Variants in FAT1 observed in about 807,000 individuals in gnomAD.
FAT1 encodes the protein protocadherin Fat 1.
Under a neutral mutation model 329.8 loss-of-function variants are expected in FAT1, and 171 were observed. The observed-to-expected ratio is 0.52, with a 90% CI of 0.46 to 0.59. FAT1 has a LOEUF of 0.59. Ranked by LOEUF, FAT1 falls within the 20% of genes least tolerant of loss-of-function variation. FAT1 has a pLI of 0.00. For synonymous variants in FAT1, 2,233 were observed against 2,228.6 expected (o/e 1.00, Z -0.06); for missense variants, 5,672 against 5,774.4 (o/e 0.98, Z 0.57).
At position 186,606,018 on chromosome 4, in the gene FAT1, G is replaced by A. The variant is rs150672160; in HGVS notation, c.10350+52C>T. Reference sequence around the variant, plus strand: ...AGAAAGAAAAGCAACAGAGGCCAATGGAAAAGCTCATTTCAAAGAACCCCA... The same window carrying A: ...AGAAAGAAAAGCAACAGAGGCCAATAGAAAAGCTCATTTCAAAGAACCCCA... On this transcript the variant is annotated intron_variant, in intron 17 of 26. Transcript: ENST00000441802. 7.1e-6 allele frequency: 11 copies of A among 1,554,630 alleles called. No homozygotes were observed. In the African/African-American group the frequency reaches 1.5e-4, roughly 21 times the overall value.
chr4:186,601,708 G>A, intron 20 of FAT1: 1 of 247,976 alleles, frequency 4.0e-6, no homozygotes, highest in Non-Finnish European at 7.7e-6. Flanking sequence ...ATTATTAGAA[G>A]AAAATTTCAG....
At chr4:186,604,862 G>C (rs868053038) in intron 17 of FAT1, among the ~76,000 whole-genome samples, 1 of 151,842 alleles carries the variant, frequency 6.6e-6, no homozygotes, top group Non-Finnish European at 1.5e-5. Context: ...AGGAGGAGTG[G>C]GGGACAGGAG....
chr4:186,625,701 A>AAAACTGT (rs1485167591), intron 9 of FAT1, among the ~76,000 whole-genome samples: 4 of 152,398 alleles, frequency 2.6e-5, no homozygotes, highest in Non-Finnish European at 4.4e-5. Context: ...AAGAAAACAG[A>AAAACTGT]AAACTGTAAA....
In FAT1 at chr4:186,686,241, C is replaced by G. The variant is rs189285186; in HGVS notation, c.3265+20322G>C. On this transcript the variant is annotated intron_variant, in intron 2 of 26. Transcript: ENST00000441802. The stretch of plus-strand genomic sequence containing the variant: ...CCATAATTATTTGAGAATTTTCACC[C>G]CCCCCCGACATTCTGAAGAAAACAT... Among the ~76,000 whole-genome samples, 17 of 146,214 alleles carry G rather than the reference C, an allele frequency of 1.2e-4. No individual in the cohort carries two copies. In the East Asian group the frequency reaches 2.8e-3, roughly 24 times the overall value.
chr4:186,639,688 A>G, intron 4 of FAT1, 34 bp downstream of exon 4: 2 of 1,408,872 alleles, frequency 1.4e-6, no homozygotes, highest in South Asian at 2.4e-5. Flanking sequence ...GTAACTACGA[A>G]TCTTTAAGTA....
At chr4:186,644,460 T>C (rs10006344) in intron 3 of FAT1, among the ~76,000 whole-genome samples, 46,604 of 152,080 alleles carry the variant, frequency 0.31, 7,686 homozygotes, top group Middle Eastern at 0.38. Context: ...TTCTATATAA[T>C]AAAACTATGA....
chr4:186,693,297 G>C (rs1363235834), intron 2 of FAT1, among the ~76,000 whole-genome samples: 1 of 152,194 alleles, frequency 6.6e-6, no homozygotes, highest in Non-Finnish European at 1.5e-5. Flanking sequence ...AAGTGCCTCT[G>C]GAAGTAGGAA....
intron 2 of FAT1, among the ~76,000 whole-genome samples, chr4:186,706,006 C>T (rs13123522): frequency 0.75 from 113,370 of 152,114 alleles, 42,573 homozygotes; most frequent in Middle Eastern, 0.8. Context: ...GCCAGGTCTT[C>T]TCAGTTCAGC....
rs145143811 is a variant in FAT1, at chr4:186,590,346, A to G, written c.13139-1126T>C. 2.9e-4 allele frequency: 369 copies of G among 1,284,868 alleles called. 3 individuals carry two copies. The East Asian group carries it at 0.017, about 57-fold the overall frequency. 79.6% of individuals were successfully genotyped at this position (1,284,868 alleles called of 1,614,324 possible). Reference sequence around the variant, plus strand: ...CATTGTTTTTAGTGAGTATCAATGAATAACTGGCATGCATAAGTCACCTCT... The same window carrying G: ...CATTGTTTTTAGTGAGTATCAATGAGTAACTGGCATGCATAAGTCACCTCT... On this transcript the variant is annotated intron_variant, in intron 26 of 26. Transcript: ENST00000441802.
At chr4:186,669,004 C>A (rs1424153043) in intron 2 of FAT1, among the ~76,000 whole-genome samples, 1 of 152,154 alleles carries the variant, frequency 6.6e-6, no homozygotes, top group African/African-American at 2.4e-5. Flanking sequence ...ACAAAAGGAA[C>A]CAACAAAAAC....
chr4:186,609,428 T>G, intron 15 of FAT1, 108 bp from the exon 16 acceptor site: 1 of 1,332,188 alleles, frequency 7.5e-7, no homozygotes. Context: ...GTTGTTGTTT[T>G]TTTTTTGAGA....
At position 186,604,478 on chromosome 4, in the gene FAT1, C is replaced by T. The variant is rs185069736; in HGVS notation, c.10447G>A (p.Gly3483Arg). The stretch of plus-strand genomic sequence containing the variant: ...ACTTCAAAAGCCTTCTCATCATTTC[C>T]AGTTACAATAGTAAAGAAGAAGGGT... Reference protein sequence around the residue: ...GPPFFFTIVTGNDEKAFEVNP... With the variant: ...GPPFFFTIVTRNDEKAFEVNP... Residue 3483 changes from glycine to arginine, a missense_variant, in exon 18 of 27, where the codon GGA becomes AGA. Coordinates refer to ENST00000441802, the MANE Select transcript of FAT1 (RefSeq NM_005245.4). The T allele has an allele frequency of 1.5e-5, 25 of 1,613,804 alleles. No homozygotes were observed. The highest frequency in any genetic ancestry group is 1.6e-4 in the Middle Eastern group (1 of 6,062).
intron 2 of FAT1, among the ~76,000 whole-genome samples, chr4:186,680,208 T>G (rs191323254): frequency 1.5e-4 from 23 of 152,306 alleles, no homozygotes; most frequent in Admixed American, 4.6e-4. Flanking sequence ...ATTATTGTCC[T>G]TAAAAAAGAA....
chr4:186,599,714 C>T (rs1055048524), intron 22 of FAT1, among the ~76,000 whole-genome samples, 184 bp downstream of exon 22: 3 of 152,126 alleles, frequency 2.0e-5, no homozygotes, highest in Admixed American at 6.5e-5. Flanking sequence ...AGCCTGGGCA[C>T]CAGAAGGGCA....
At chr4:186,598,178 C>T (rs188747847) in intron 22 of FAT1, 53 bp from the exon 23 acceptor site, 2 of 1,483,568 alleles carry the variant, frequency 1.3e-6, no homozygotes, top group South Asian at 1.3e-5. Context: ...ACTCAGAAAC[C>T]TGGTCTTAAT....
Position 186,610,685 on chromosome 4 carries a change from A to ATTATATAAATTTATATAAATATAAAT in FAT1, c.9854-671_9854-670insATTTATATTTATATAAATTTATATAA. On this transcript the variant is annotated intron_variant, in intron 14 of 26. Transcript: ENST00000441802. ...AATTATATAATTTATATAAATATAA[A>ATTATATAAATTTATATAAATATAAAT]TTATATAATTTATATAAATATAAAT... Among the ~76,000 whole-genome samples the ATTATATAAATTTATATAAATATAAAT allele has an allele frequency of 2.6e-5, 2 of 75,660 alleles. 1 individual carries two copies. Among genetic ancestry groups the ATTATATAAATTTATATAAATATAAAT allele is most frequent in the South Asian group, 8.5e-4 (2 of 2,364 alleles). The allele number at this position is 75,660 out of a possible 152,430, so 49.6% of individuals were successfully genotyped here.
rs2126690330 is a variant in FAT1 at position 186,707,660 on chromosome 4, C to T, written c.2168G>A (p.Gly723Asp). 2 of 1,613,952 alleles carry T rather than the reference C, an allele frequency of 1.2e-6. No homozygotes were observed. The highest frequency in any genetic ancestry group is 2.2e-5 in the East Asian group (1 of 44,868). ...IPQFRSTLPT[G>D]IQVKENQPVG... ...AGGCTGGTTTTCCTTTACCTGAATA[C>T]CAGTCGGAAGAGTGCTTCTAAACTG... The change falls in exon 2 of 27, where the codon GGT becomes GAT. Residue 723 changes from glycine (G) to aspartate (D), a missense_variant. Gly to Asp is a moderately conservative substitution (Grantham distance 94). Transcript: ENST00000441802.
chr4:186,669,777 T>C (rs563380542), intron 2 of FAT1, among the ~76,000 whole-genome samples: 3 of 152,350 alleles, frequency 2.0e-5, no homozygotes, highest in South Asian at 4.1e-4. Flanking sequence ...GATTCATTAA[T>C]GTCCACTTAC....
In FAT1 at chr4:186,617,837, G is replaced by A. The variant is rs2126488480; in HGVS notation, c.8749C>T (p.Arg2917Ter). The A allele has an allele frequency of 3.7e-6, 6 of 1,613,792 alleles. No individual in the cohort carries two copies. The highest frequency in any genetic ancestry group is 5.1e-6 in the Non-Finnish European group (6 of 1,179,840). The change falls in exon 10 of 27, where the codon CGA becomes TGA. Residue 2917 changes from arginine (R) to a stop codon, truncating the protein, a stop_gained. Coordinates refer to ENST00000441802, the MANE Select transcript of FAT1 (RefSeq NM_005245.4). LOFTEE classifies it high-confidence loss of function. Reference sequence around the variant, plus strand: ...CCTTTATAGATCTCGGCCGTGAATCGTGGTGGACTATCGTTGACATCGGTG... The same window carrying A: ...CCTTTATAGATCTCGGCCGTGAATCATGGTGGACTATCGTTGACATCGGTG... ...TVTDVNDSPP[R>*]FTAEIYKGTV...
Sources: allele counts gnomAD v4.1 joint callset (sites outside exome capture counted in the v4.1 genomes callset), GRCh38; gene constraint gnomAD v4.1.1; transcripts MANE v1.5; gene names NCBI Gene and HGNC (gene_info 2026-07-23, HGNC 2026-07-21).